The following STAU2 variants were observed in gnomAD, a reference collection of about 807,000 sequenced individuals.
The protein encoded by STAU2 is staufen double-stranded RNA binding protein 2, also known as double-stranded RNA-binding protein Staufen homolog 2.
STAU2 carries 20 observed loss-of-function variants against 65.9 expected under a neutral mutation model. The observed-to-expected ratio is 0.30, with a 90% CI of 0.21 to 0.44. The LOEUF (loss-of-function observed/expected upper bound fraction) is 0.44, where lower values mean the gene tolerates loss of function less well. STAU2 is among the 20% of genes least tolerant of loss of function. The pLI is 1.00. For missense variants in STAU2, 558 were observed against 683.9 expected, an observed-to-expected ratio of 0.82 and a Z score of 2.05; for synonymous variants, 232 against 233.9, an observed-to-expected ratio of 0.99 and a Z score of 0.07.
chr8:73,570,165 C>A (rs375163809), intron 12 of STAU2, among the ~76,000 whole-genome samples: 3 of 152,136 alleles, frequency 2.0e-5, no homozygotes, highest in Non-Finnish European at 4.4e-5. Context: ...AACTACGTGA[C>A]GCATGCACAA....
intron 6 of STAU2, among the ~76,000 whole-genome samples, chr8:73,623,976 T>G (rs1247372548): frequency 6.6e-6 from 1 of 152,220 alleles, no homozygotes; most frequent in African/African-American, 2.4e-5. Flanking sequence ...ATGGATATTC[T>G]ATTTGTAGAA....
intron 6 of STAU2, among the ~76,000 whole-genome samples, chr8:73,659,136 T>C (rs1445085266): frequency 6.6e-6 from 1 of 152,170 alleles, no homozygotes; most frequent in Non-Finnish European, 1.5e-5. Flanking sequence ...AAAAAAAAGC[T>C]TCAAAAGTTT....
chr8:73,688,934 T>G (rs1233703991), intron 4 of STAU2, 121 bp from the exon 5 acceptor site: 1 of 1,144,634 alleles, frequency 8.7e-7, no homozygotes, highest in African/African-American at 1.6e-5. Flanking sequence ...TGACCTTACC[T>G]ACAGATCATC....
intron 12 of STAU2, among the ~76,000 whole-genome samples, chr8:73,580,016 G>A (rs7008216): frequency 0.18 from 27,620 of 152,034 alleles, 2,744 homozygotes; most frequent in African/African-American, 0.27. Flanking sequence ...CTTATAGTTA[G>A]GTGCTATGCC....
chr8:73,685,328 A>T (rs1292944574), intron 5 of STAU2, among the ~76,000 whole-genome samples: 18 of 152,140 alleles, frequency 1.2e-4, no homozygotes, highest in Admixed American at 1.2e-3. Flanking sequence ...ATTTAAAAAT[A>T]AAAAAATAAA....
chr8:73,575,821 C>A lies in STAU2; in HGVS notation c.1222+6949G>T, dbSNP rs371053567. ...TATAAATTCTGGGACAATACACACA[C>A]AAAAAACCACAAGTTACCTGCTTGA... is the stretch of plus-strand genomic sequence containing the variant. On this transcript the variant is annotated intron_variant, in intron 12 of 14. Transcript: ENST00000524300. Among the ~76,000 whole-genome samples the A allele has an allele frequency of 2.2e-3, 30 of 13,764 alleles. 1 individual carries two copies. The highest frequency in any genetic ancestry group is 0.017 in the African/African-American group (21 of 1,268). The allele number at this position is 13,764 out of a possible 152,430, so 9.0% of individuals were successfully genotyped here.
chr8:73,606,902 T>C (rs1812063903), intron 9 of STAU2, among the ~76,000 whole-genome samples: 1 of 152,034 alleles, frequency 6.6e-6, no homozygotes, highest in Admixed American at 6.6e-5. Context: ...AAAACAGAAC[T>C]ACCAATTCAT....
intron 13 of STAU2, among the ~76,000 whole-genome samples, chr8:73,470,634 CAA>C (rs35554370): frequency 2.1e-5 from 3 of 143,658 alleles, no homozygotes; most frequent in Non-Finnish European, 3.1e-5. Flanking sequence ...CCTGTCTCTA[CAA>C]AAAAAATTTT....
chr8:73,674,126 TA>T (rs368065193), intron 5 of STAU2, among the ~76,000 whole-genome samples: 38,480 of 114,012 alleles, frequency 0.34, 5,493 homozygotes, highest in East Asian at 0.5. Flanking sequence ...AACCCAAAAC[TA>T]AAAAAAAAAA....
At chr8:73,495,702 T>G (rs1030395093) in intron 13 of STAU2, among the ~76,000 whole-genome samples, 1 of 148,984 alleles carries the variant, frequency 6.7e-6, no homozygotes, top group Non-Finnish European at 1.5e-5. Context: ...TAGTTAACAC[T>G]ATTTATTGGA....
intron 13 of STAU2, among the ~76,000 whole-genome samples, chr8:73,531,174 T>G (rs1381013724): frequency 1.3e-5 from 2 of 152,152 alleles, no homozygotes; most frequent in African/African-American, 4.8e-5. Flanking sequence ...AAGAGATCAG[T>G]GTACACTGTC....
chr8:73,604,960 C>T (rs1054825983), intron 9 of STAU2, among the ~76,000 whole-genome samples: 1 of 151,472 alleles, frequency 6.6e-6, no homozygotes, highest in Non-Finnish European at 1.5e-5. Context: ...CTCATATGTA[C>T]AGGAATATCC....
At chr8:73,518,932 T>C (rs1822890756) in intron 13 of STAU2, among the ~76,000 whole-genome samples, 1 of 152,192 alleles carries the variant, frequency 6.6e-6, no homozygotes, top group Admixed American at 6.6e-5. Context: ...CATTTTGAAA[T>C]ATTTAAAAAA....
chr8:73,700,105 T>C (rs1430603261), intron 4 of STAU2, among the ~76,000 whole-genome samples: 1 of 152,076 alleles, frequency 6.6e-6, no homozygotes, highest in Non-Finnish European at 1.5e-5. Context: ...AAAAAGCATC[T>C]GATAAAGTTC....
At chr8:73,430,495 A>C (rs1397202195) in intron 13 of STAU2, among the ~76,000 whole-genome samples, 1 of 152,216 alleles carries the variant, frequency 6.6e-6, no homozygotes, top group African/African-American at 2.4e-5. Context: ...TACAGATTAA[A>C]GAACGCTATG....
chr8:73,502,566 C>T, intron 13 of STAU2, among the ~76,000 whole-genome samples: 1 of 152,082 alleles, frequency 6.6e-6, no homozygotes, highest in East Asian at 1.9e-4. Context: ...CATGCTAGCT[C>T]TAGCTAGTAA....
At chr8:73,597,675 A>T (rs1380195297) in intron 10 of STAU2, among the ~76,000 whole-genome samples, 1 of 147,396 alleles carries the variant, frequency 6.8e-6, no homozygotes, top group Non-Finnish European at 1.5e-5. Flanking sequence ...GTCTCAAAAA[A>T]AAAAAAAAAA....
At chr8:73,711,755 G>A (rs1376660754) in intron 3 of STAU2, among the ~76,000 whole-genome samples, 8 of 152,074 alleles carry the variant, frequency 5.3e-5, no homozygotes, top group Non-Finnish European at 1.0e-4. Context: ...CTGACTTCCT[G>A]CTTCATAAAA....
At chr8:73,696,557 T>C (rs1201875403) in intron 4 of STAU2, among the ~76,000 whole-genome samples, 3 of 152,162 alleles carry the variant, frequency 2.0e-5, no homozygotes, top group Non-Finnish European at 4.4e-5. Context: ...TTAAAAAGAA[T>C]CAAGCTGATA....
Sources: allele counts gnomAD v4.1 joint callset (sites outside exome capture counted in the v4.1 genomes callset), GRCh38; gene constraint gnomAD v4.1.1; transcripts MANE v1.5; gene names NCBI Gene and HGNC (gene_info 2026-07-23, HGNC 2026-07-21).